Variants in PKHD1 observed in about 807,000 individuals in gnomAD.
PKHD1 encodes fibrocystin.
In PKHD1, 291 loss-of-function variants were observed where a neutral mutation model predicts 412.0. That is an observed-to-expected ratio of 0.71 (90% CI 0.64 to 0.78). The LOEUF is 0.78. PKHD1 is among the 30% of genes least tolerant of loss of function. The pLI, the probability that PKHD1 is intolerant of heterozygous loss-of-function variation, is 0.00. For synonymous variants in PKHD1, 1,777 were observed against 1,821.5 expected, an observed-to-expected ratio of 0.98 and a Z score of 0.62; for missense variants, 4,825 against 4,950.7, an observed-to-expected ratio of 0.97 and a Z score of 0.76.
chr6:51,880,932 C>G (rs946201475), intron 46 of PKHD1, among the ~76,000 whole-genome samples: 2 of 149,332 alleles, frequency 1.3e-5, no homozygotes, highest in Admixed American at 6.6e-5. Flanking sequence ...CGCCACTGCA[C>G]TCCAGCCTGG....
chr6:51,724,195 C>T (rs934073438), intron 60 of PKHD1, among the ~76,000 whole-genome samples: 7 of 152,204 alleles, frequency 4.6e-5, no homozygotes, highest in African/African-American at 1.4e-4. Flanking sequence ...CCTATGTTCA[C>T]AGTGTACTTT....
chr6:51,771,709 T>A (rs1790170512), intron 55 of PKHD1, among the ~76,000 whole-genome samples: 1 of 152,178 alleles, frequency 6.6e-6, no homozygotes, highest in African/African-American at 2.4e-5. Flanking sequence ...TTTATATTAT[T>A]CTCAAATTTT....
At chr6:51,619,783 C>A (rs1766381690) in intron 66 of PKHD1, among the ~76,000 whole-genome samples, 1 of 152,106 alleles carries the variant, frequency 6.6e-6, no homozygotes, top group African/African-American at 2.4e-5. Flanking sequence ...AATGCAAAAA[C>A]CAGACCATGG....
At chr6:51,735,499 T>C (rs973048162) in intron 60 of PKHD1, among the ~76,000 whole-genome samples, 1 of 152,248 alleles carries the variant, frequency 6.6e-6, no homozygotes, top group South Asian at 2.1e-4. Flanking sequence ...ATCTCAGTTT[T>C]GTTTGTTCTG....
chr6:52,074,682 G>A (rs745833685), intron 6 of PKHD1, among the ~76,000 whole-genome samples: 27 of 152,162 alleles, frequency 1.8e-4, no homozygotes, highest in Admixed American at 1.7e-3. Context: ...ATTCCATGTC[G>A]TAGTGAAGGA....
intron 34 of PKHD1, among the ~76,000 whole-genome samples, chr6:52,013,594 T>C (rs1283983773): frequency 6.6e-6 from 1 of 152,116 alleles, no homozygotes; most frequent in African/African-American, 2.4e-5. Flanking sequence ...CATATATATA[T>C]GCAACATAAG....
intron 9 of PKHD1, 123 bp from the exon 10 acceptor site, chr6:52,070,568 T>G: frequency 1.4e-6 from 1 of 726,124 alleles, no homozygotes. Context: ...TGTAATTTCT[T>G]TAGTGGTTCC....
At chr6:51,661,954 C>G (rs1050540038) in intron 60 of PKHD1, among the ~76,000 whole-genome samples, 3 of 151,792 alleles carry the variant, frequency 2.0e-5, no homozygotes, top group African/African-American at 7.3e-5. Flanking sequence ...TATGCTAAAC[C>G]TGACCATGGT....
At chr6:52,042,774 T>G (rs1581908954) in intron 27 of PKHD1, 85 bp downstream of exon 27, 1 of 1,205,808 alleles carries the variant, frequency 8.3e-7, no homozygotes, top group African/African-American at 1.5e-5. Flanking sequence ...AATATGGAAT[T>G]CATTACACAG....
chr6:51,993,484 T>G (rs1797294211), intron 35 of PKHD1, among the ~76,000 whole-genome samples: 1 of 152,220 alleles, frequency 6.6e-6, no homozygotes, highest in Admixed American at 6.5e-5. Context: ...ATCAGTGTCT[T>G]TTTTGCTAAG....
intron 37 of PKHD1, among the ~76,000 whole-genome samples, chr6:51,924,634 T>C (rs1211107303): frequency 6.6e-6 from 1 of 152,146 alleles, no homozygotes; most frequent in East Asian, 1.9e-4. Context: ...TACCATAAAC[T>C]AAGGTGACAG....
intron 66 of PKHD1, among the ~76,000 whole-genome samples, chr6:51,624,219 C>G (rs1383944894): frequency 2.0e-5 from 3 of 152,128 alleles, no homozygotes; most frequent in African/African-American, 7.2e-5. Flanking sequence ...CCATACCAGG[C>G]TCTTCATCTT....
At chr6:52,050,326 T>C in intron 21 of PKHD1, 31 bp from the exon 22 acceptor site, 2 of 1,611,956 alleles carry the variant, frequency 1.2e-6, no homozygotes, top group East Asian at 2.2e-5. Context: ...TACTATCAAG[T>C]GACTTAAGAT....
chr6:51,730,085 G>A (rs527604015), intron 60 of PKHD1, among the ~76,000 whole-genome samples: 92 of 152,226 alleles, frequency 6.0e-4, no homozygotes, highest in African/African-American at 2.1e-3. Context: ...AATTTTTTCA[G>A]TTGGTTTGTT....
chr6:51,748,240 T>C lies in PKHD1; in HGVS notation c.9376A>G (p.Ser3126Gly), dbSNP rs1562223524. 9.9e-6 allele frequency: 16 copies of C among 1,613,966 alleles called. No individual in the cohort carries two copies. The highest frequency in any genetic ancestry group is 1.4e-5 in the Non-Finnish European group (16 of 1,179,988). ...LLWSDNVAHS[S>G]LHGLHLYKES... ...TTATAGAGATGAAGGCCATGAAGAC[T>C]TGAATGCGCCACATTGTCAGACCAA... Residue 3126 changes from serine to glycine, a missense_variant, in exon 58 of 67, where the codon AGT becomes GGT. Physicochemically the swap from Ser to Gly is moderately conservative, Grantham distance 56. Coordinates refer to ENST00000371117, the MANE Select transcript of PKHD1 (RefSeq NM_138694.4).
chr6:51,705,678 C>A (rs1779936085), intron 60 of PKHD1, among the ~76,000 whole-genome samples: 1 of 151,952 alleles, frequency 6.6e-6, no homozygotes, highest in African/African-American at 2.4e-5. Context: ...TTTAGTTGGA[C>A]CTTAAAGGCT....
At chr6:51,767,249 CTCTT>C (rs1181846567) in intron 55 of PKHD1, among the ~76,000 whole-genome samples, 1 of 151,664 alleles carries the variant, frequency 6.6e-6, no homozygotes, top group Non-Finnish European at 1.5e-5. Flanking sequence ...TGGCTATTTT[CTCTT>C]TTTTTTGGCC....
chr6:52,009,563 G>C (rs1228616847), intron 35 of PKHD1, among the ~76,000 whole-genome samples: 1 of 152,152 alleles, frequency 6.6e-6, no homozygotes, highest in African/African-American at 2.4e-5. Flanking sequence ...TAAGGGAGTA[G>C]GTGCTCAATA....
At chr6:51,778,475 T>G (rs922228952) in intron 53 of PKHD1, among the ~76,000 whole-genome samples, 2 of 152,044 alleles carry the variant, frequency 1.3e-5, no homozygotes, top group African/African-American at 4.8e-5. Flanking sequence ...AATGGCGAAG[T>G]TGGGCCTTAG....
Sources: allele counts gnomAD v4.1 joint callset (sites outside exome capture counted in the v4.1 genomes callset), GRCh38; gene constraint gnomAD v4.1.1; transcripts MANE v1.5; gene names NCBI Gene and HGNC (gene_info 2026-07-23, HGNC 2026-07-21).